The following MMP14 variants were observed in gnomAD, a reference collection of about 807,000 sequenced individuals.
MMP14 encodes matrix metalloproteinase-14.
In MMP14, 13 loss-of-function variants were observed where a neutral mutation model predicts 64.8. That is an observed-to-expected ratio of 0.20 (90% CI 0.13 to 0.32). MMP14 has a LOEUF of 0.32. Ranked by LOEUF, MMP14 falls within the 10% of genes least tolerant of loss-of-function variation. MMP14 has a pLI of 1.00. For missense variants in MMP14, 594 were observed against 783.8 expected (o/e 0.76, Z 2.89); for synonymous variants, 322 against 315.9 (o/e 1.02, Z -0.20).
chr14:22,843,937 T>C lies in MMP14; in HGVS notation c.1011+67T>C. On this transcript the variant is annotated intron_variant, in intron 6 of 9. Coordinates refer to ENST00000311852, the MANE Select transcript of MMP14 (RefSeq NM_004995.4). The surrounding 1 kb of genome is among the most constrained non-coding windows in gnomAD (Gnocchi z 4.8). Reference sequence around the variant, plus strand: ...TGGGCTGGGCATGGTGGCTCATGCCTGTAATCCTAGCACTTTGAGAGGCCA... The same window carrying C: ...TGGGCTGGGCATGGTGGCTCATGCCCGTAATCCTAGCACTTTGAGAGGCCA... The C allele has an allele frequency of 1.3e-6, 2 of 1,564,056 alleles. No homozygotes were observed. The highest frequency in any genetic ancestry group is 8.6e-7 in the Non-Finnish European group (1 of 1,156,120).
chr14:22,845,362 T>G lies in MMP14; in HGVS notation c.1413T>G (p.Asp471Glu). 1 of 1,603,922 alleles carries G rather than the reference T, an allele frequency of 6.2e-7. No homozygotes were observed. Among genetic ancestry groups the G allele is most frequent in the Non-Finnish European group, 8.5e-7 (1 of 1,173,910 alleles). The change falls in exon 9 of 10, where the codon GAT becomes GAG. Residue 471 changes from aspartate to glutamate, a missense_variant. By Grantham distance (45) the Asp-to-Glu change is conservative (BLOSUM62 2). Transcript: ENST00000311852. ...CCAGAGGGTCATTCATGGGCAGCGATGAAGGTGAGAGGGGCAAGGGAAGGT... is the reference window on the plus strand; with the variant it reads ...CCAGAGGGTCATTCATGGGCAGCGAGGAAGGTGAGAGGGGCAAGGGAAGGT... Reference protein sequence around the residue: ...ESPRGSFMGSDEVFTYFYKGN... With the variant: ...ESPRGSFMGSEEVFTYFYKGN...
At position 22,836,628 on chromosome 14, in the gene MMP14, GA is replaced by G. The variant is rs1325233343; in HGVS notation, c.-186del. On this transcript the variant is annotated 5_prime_UTR_variant, in exon 1 of 10. Transcript: ENST00000311852. ...TAAGCAGAAGAAAGATCAAAAACCG[GA>G]AAAGAGGAGAAGAGCAAACAGGCAC... The G allele has an allele frequency of 4.7e-5, 23 of 491,522 alleles. No individual in the cohort carries two copies. Among genetic ancestry groups the G allele is most frequent in the African/African-American group, 4.6e-4 (23 of 49,672 alleles). The allele number at this position is 491,522 out of a possible 1,614,324, so 30.4% of individuals were successfully genotyped here.
At chr14:22,839,262 C>T (rs10130438) in intron 1 of MMP14, among the ~76,000 whole-genome samples, 2,273 of 152,342 alleles carry the variant, frequency 0.015, 57 homozygotes, top group African/African-American at 0.052. Flanking sequence ...GGTCATAAGC[C>T]CGGGGTGTGT....
At chr14:22,845,522 C>T (rs1412184558) in intron 9 of MMP14, among the ~76,000 whole-genome samples, 156 bp downstream of exon 9, 1 of 152,134 alleles carries the variant, frequency 6.6e-6, no homozygotes, top group African/African-American at 2.4e-5. Context: ...CACGTGGTGC[C>T]CATTCATCCC....
Position 22,842,107 on chromosome 14 carries a change from C to T in MMP14, c.380+72C>T. The T allele has an allele frequency of 6.3e-7, 1 of 1,576,776 alleles. No individual in the cohort carries two copies. The highest frequency in any genetic ancestry group is 1.3e-5 in the African/African-American group (1 of 74,422). ...CCTACCCATTGTGCTTATGCAGGGA[C>T]TCAGAGACCCCCTGCCCCACTCCCC... On this transcript the variant is annotated intron_variant, in intron 3 of 9. Coordinates refer to ENST00000311852, the MANE Select transcript of MMP14 (RefSeq NM_004995.4). The surrounding 1 kb of genome is among the most constrained non-coding windows in gnomAD (Gnocchi z 5.3).
At chr14:22,838,020 C>T (rs2039747334) in intron 1 of MMP14, among the ~76,000 whole-genome samples, 1 of 152,202 alleles carries the variant, frequency 6.6e-6, no homozygotes. Flanking sequence ...CTTGGTCCCA[C>T]CCCGGAGAAA....
In MMP14 at chr14:22,843,912, T is replaced by A. The variant is rs953227149; in HGVS notation, c.1011+42T>A. 1.3e-6 allele frequency: 2 copies of A among 1,597,092 alleles called. No individual in the cohort carries two copies. Among genetic ancestry groups the A allele is most frequent in the African/African-American group, 1.4e-5 (1 of 73,406 alleles). ...TGGTTTGAAAGACAAAAGGGCCCTA[T>A]GGGCTGGGCATGGTGGCTCATGCCT... is the stretch of plus-strand genomic sequence containing the variant. On this transcript the variant is annotated intron_variant, in intron 6 of 9. Coordinates refer to ENST00000311852, the MANE Select transcript of MMP14 (RefSeq NM_004995.4). The surrounding 1 kb of genome is among the most constrained non-coding windows in gnomAD (Gnocchi z 4.8).
rs755666395 is a variant in MMP14 at position 22,843,890 on chromosome 14, T to C, written c.1011+20T>C. The C allele has an allele frequency of 4.4e-6, 7 of 1,605,346 alleles. No homozygotes were observed. Among genetic ancestry groups the C allele is most frequent in the Non-Finnish European group, 5.1e-6 (6 of 1,177,910 alleles). On this transcript the variant is annotated intron_variant, in intron 6 of 9. Coordinates refer to ENST00000311852, the MANE Select transcript of MMP14 (RefSeq NM_004995.4). The surrounding 1 kb of genome is among the most constrained non-coding windows in gnomAD (Gnocchi z 4.8). ...TTCAAGGTGAGAAGAAGTGGGCTGG[T>C]TTGAAAGACAAAAGGGCCCTATGGG... is the stretch of plus-strand genomic sequence containing the variant.
At position 22,843,421 on chromosome 14, in the gene MMP14, G is replaced by A. The variant is rs778745322; in HGVS notation, c.850+3G>A. On this transcript the variant is annotated splice_donor_region_variant and intron_variant, in intron 5 of 9. Transcript: ENST00000311852. The surrounding 1 kb of genome is among the most constrained non-coding windows in gnomAD (Gnocchi z 4.8). The stretch of plus-strand genomic sequence containing the variant: ...CCGGGGCATCCAGCAACTTTATGGC[G>A]AGTAGTCTACACCCACGCCTGCTCC... 67 of 1,612,176 alleles carry A rather than the reference G, an allele frequency of 4.2e-5. No homozygotes were observed. The highest frequency in any genetic ancestry group is 3.5e-4 in the African/African-American group (26 of 74,866).
intron 1 of MMP14, among the ~76,000 whole-genome samples, chr14:22,840,613 ATTC>A (rs2039766406): frequency 6.6e-6 from 1 of 150,894 alleles, no homozygotes; most frequent in African/African-American, 2.4e-5. Flanking sequence ...CGTTCACACC[ATTC>A]TTCTGCCTCA....
chr14:22,842,135 A>C lies in MMP14; in HGVS notation c.380+100A>C, dbSNP rs1398783995. On this transcript the variant is annotated intron_variant, in intron 3 of 9. Coordinates refer to ENST00000311852, the MANE Select transcript of MMP14 (RefSeq NM_004995.4). This position sits in a 1 kb window ranked among gnomAD's most constrained non-coding sequence, Gnocchi z 5.3. ...AGAGACCCCCTGCCCCACTCCCCTC[A>C]GTTCCTGGGAAGCATCCGTGGGAGT... is the stretch of plus-strand genomic sequence containing the variant. 1.3e-6 allele frequency: 2 copies of C among 1,498,006 alleles called. No individual in the cohort carries two copies. Among genetic ancestry groups the C allele is most frequent in the Non-Finnish European group, 1.8e-6 (2 of 1,092,652 alleles). 92.8% of individuals were successfully genotyped at this position (1,498,006 alleles called of 1,614,324 possible). A position where few individuals can be genotyped will look rare whatever the true frequency, so the allele number is the denominator to read the frequency against.
chr14:22,843,412 C>G lies in MMP14; in HGVS notation c.844C>G (p.Leu282Val). The G allele has an allele frequency of 6.2e-7, 1 of 1,613,196 alleles. No individual in the cohort carries two copies. The highest frequency in any genetic ancestry group is 8.5e-7 in the Non-Finnish European group (1 of 1,179,586). ...PDDDRRGIQQ[L>V]YGGESGFPTK... is the part of the protein sequence containing the mutation. ...TGATGACCGCCGGGGCATCCAGCAA[C>G]TTTATGGCGAGTAGTCTACACCCAC... Residue 282 changes from leucine (L) to valine (V), a missense_variant, in exon 5 of 10, where the codon CTT becomes GTT. Leu to Val is a conservative substitution (Grantham distance 32, BLOSUM62 1). Around this residue, in one of 4 missense-constraint regions of MMP14, gnomAD observed 364 missense variants for 425.2 expected, o/e 0.86. Transcript: ENST00000311852. The surrounding 1 kb of genome is among the most constrained non-coding windows in gnomAD (Gnocchi z 4.8).
At chr14:22,839,102 A>G (rs1240522042) in intron 1 of MMP14, among the ~76,000 whole-genome samples, 1 of 151,868 alleles carries the variant, frequency 6.6e-6, no homozygotes, top group African/African-American at 2.4e-5. Context: ...TCTTCTCCCC[A>G]TCTTCCTTCT....
At chr14:22,841,413 T>G in intron 1 of MMP14, 78 bp from the exon 2 acceptor site, 1 of 1,566,666 alleles carries the variant, frequency 6.4e-7, no homozygotes, top group Non-Finnish European at 8.7e-7. Flanking sequence ...CAAGGCTGTA[T>G]GCTGGGCATT....
intron 1 of MMP14, among the ~76,000 whole-genome samples, chr14:22,838,195 CG>C (rs1238006593): frequency 2.0e-5 from 3 of 152,152 alleles, no homozygotes; most frequent in African/African-American, 7.2e-5. Context: ...CCTGACTGTC[CG>C]GGAGGAGTCG....
chr14:22,845,290 C>T lies in MMP14; in HGVS notation c.1341C>T (p.Ser447=), dbSNP rs763893954. 9.9e-6 allele frequency: 16 copies of T among 1,613,512 alleles called. No homozygotes were observed. The highest frequency in any genetic ancestry group is 1.7e-5 in the Admixed American group (1 of 59,896). ...RFNEELRAVD[S]EYPKNIKVWE... ...ACGAAGAGCTCAGGGCAGTGGATAG[C>T]GAGTACCCCAAGAACATCAAAGTCT... The change falls in exon 9 of 10, where the codon AGC becomes AGT. Residue 447 remains serine, a synonymous_variant. Coordinates refer to ENST00000311852, the MANE Select transcript of MMP14 (RefSeq NM_004995.4).
In MMP14 at chr14:22,842,799, T is replaced by C; in HGVS notation, c.688+82T>C. 1 of 1,439,856 alleles carries C rather than the reference T, an allele frequency of 6.9e-7. No homozygotes were observed. Among genetic ancestry groups the C allele is most frequent in the Non-Finnish European group, 9.4e-7 (1 of 1,065,278 alleles). The allele number at this position is 1,439,856 out of a possible 1,614,324, so 89.2% of individuals were successfully genotyped here. A position where few individuals can be genotyped will look rare whatever the true frequency, so the allele number is the denominator to read the frequency against. ...GTGGTTCCCCTCCCTCCTTCCAAAA[T>C]CTCCGGGCTAGAAGGGACCACAGAG... On this transcript the variant is annotated intron_variant, in intron 4 of 9. Coordinates refer to ENST00000311852, the MANE Select transcript of MMP14 (RefSeq NM_004995.4). This position sits in a 1 kb window ranked among gnomAD's most constrained non-coding sequence, Gnocchi z 5.3.
rs17882427 is a variant in MMP14 at position 22,843,191 on chromosome 14, G to A, written c.689-66G>A. ...CTTGGAGGTGAAACCAAAGCTGCTG[G>A]TGGGGAAGCAGGGAGGCTGAGGGAA... is the stretch of plus-strand genomic sequence containing the variant. On this transcript the variant is annotated intron_variant, in intron 4 of 9. Coordinates refer to ENST00000311852, the MANE Select transcript of MMP14 (RefSeq NM_004995.4). This position sits in a 1 kb window ranked among gnomAD's most constrained non-coding sequence, Gnocchi z 4.8. 4.2e-3 allele frequency: 6,472 copies of A among 1,545,160 alleles called. 244 individuals carry two copies. The African/African-American group carries it at 0.079, about 19-fold the overall frequency.
intron 6 of MMP14, 113 bp from the exon 7 acceptor site, chr14:22,844,258 T>C (rs2039795647): frequency 1.4e-6 from 2 of 1,480,024 alleles, no homozygotes; most frequent in Non-Finnish European, 1.8e-6. Context: ...TGACAACAGC[T>C]GGACTAAAAA....
Sources: allele counts gnomAD v4.1 joint callset (sites outside exome capture counted in the v4.1 genomes callset), GRCh38; gene constraint gnomAD v4.1.1; regional missense constraint gnomAD v4.1.1; non-coding constraint Gnocchi (gnomAD v3.1); transcripts MANE v1.5; gene names NCBI Gene and HGNC (gene_info 2026-07-23, HGNC 2026-07-21).